The following UPRT variants were observed in gnomAD, a reference collection of about 807,000 sequenced individuals.
UPRT encodes the protein uracil phosphoribosyltransferase homolog.
Under a neutral mutation model 22.6 loss-of-function variants are expected in UPRT, and 5 were observed. That is an observed-to-expected ratio of 0.22 (90% CI 0.12 to 0.47). The LOEUF (loss-of-function observed/expected upper bound fraction) is 0.47, where lower values mean the gene tolerates loss of function less well. Ranked by LOEUF, UPRT falls within the 20% of genes least tolerant of loss-of-function variation. The pLI, the probability that UPRT is intolerant of heterozygous loss-of-function variation, is 0.99. For synonymous variants in UPRT, 77 were observed against 87.7 expected (o/e 0.88, Z 0.68); for missense variants, 181 against 239.9 (o/e 0.75, Z 1.62).
At chrX:75,162,825 A>G (rs1053509567) in intron 2 of UPRT, among the ~76,000 whole-genome samples, 1 of 111,916 alleles carries the variant, frequency 8.9e-6, no homozygotes, top group Admixed American at 9.5e-5. Context: ...ATTACAGAGA[A>G]GGAAGGAAAC....
chrX:75,195,748 C>G (rs142783695), intron 4 of UPRT, among the ~76,000 whole-genome samples: 1 of 111,705 alleles, frequency 9.0e-6, no homozygotes, highest in African/African-American at 3.3e-5. Flanking sequence ...CCCTTTCAGC[C>G]CAGGATCTGT....
intron 4 of UPRT, among the ~76,000 whole-genome samples, chrX:75,257,191 C>T (rs1170499753): frequency 8.9e-6 from 1 of 111,736 alleles, no homozygotes; most frequent in African/African-American, 3.3e-5. Context: ...GGTTTCACAC[C>T]AGGGACATAG....
chrX:75,206,343 C>T (rs1295143257), intron 4 of UPRT, among the ~76,000 whole-genome samples: 2 of 110,547 alleles, frequency 1.8e-5, no homozygotes, highest in African/African-American at 6.6e-5. Context: ...CAGGTGCCCT[C>T]GGGCCTGATG....
intron 4 of UPRT, among the ~76,000 whole-genome samples, chrX:75,215,789 A>T (rs1041733606): frequency 1.8e-5 from 2 of 111,509 alleles, no homozygotes; most frequent in Non-Finnish European, 3.8e-5. Flanking sequence ...TAACCATGTG[A>T]CAAATCTGCA....
intron 4 of UPRT, among the ~76,000 whole-genome samples, chrX:75,258,630 C>A (rs962726965): frequency 8.9e-6 from 1 of 111,982 alleles, no homozygotes; most frequent in Non-Finnish European, 1.9e-5. Context: ...CAGTCAGGGG[C>A]TTATAGATAA....
chrX:75,257,899 A>C (rs2082554294), intron 4 of UPRT, among the ~76,000 whole-genome samples: 1 of 111,289 alleles, frequency 9.0e-6, no homozygotes, highest in Admixed American at 9.5e-5. Flanking sequence ...GGTCCCTCTC[A>C]CTGGGACTGG....
chrX:75,184,300 T>A (rs1421482714), intron 4 of UPRT, among the ~76,000 whole-genome samples: 1 of 112,089 alleles, frequency 8.9e-6, no homozygotes, highest in African/African-American at 3.2e-5. Context: ...CCATTGCTTG[T>A]TTTCGTCAGG....
chrX:75,243,478 A>G (rs1294373291), intron 4 of UPRT, among the ~76,000 whole-genome samples: 15 of 111,643 alleles, frequency 1.3e-4, no homozygotes, highest in Non-Finnish European at 3.8e-5. Context: ...GAGGATTGGC[A>G]ATCCTCAAGT....
chrX:75,225,810 C>T (rs909505780), intron 4 of UPRT, among the ~76,000 whole-genome samples: 2 of 111,240 alleles, frequency 1.8e-5, no homozygotes, highest in Non-Finnish European at 3.8e-5. Context: ...CTTTTTATTC[C>T]ATCCAGTCTC....
At chrX:75,244,963 G>T (rs756350830) in intron 4 of UPRT, among the ~76,000 whole-genome samples, 1 of 110,920 alleles carries the variant, frequency 9.0e-6, no homozygotes, top group Non-Finnish European at 1.9e-5. Flanking sequence ...CACAGCAAAA[G>T]AAACTATCAA....
chrX:75,166,392 G>A (rs1396194307), intron 3 of UPRT, among the ~76,000 whole-genome samples: 1 of 111,628 alleles, frequency 9.0e-6, no homozygotes, highest in African/African-American at 3.3e-5. Flanking sequence ...ATAGTGTTGA[G>A]CATGTTGTCT....
At chrX:75,214,850 C>A (rs905362511) in intron 4 of UPRT, among the ~76,000 whole-genome samples, 1 of 111,035 alleles carries the variant, frequency 9.0e-6, no homozygotes, top group Non-Finnish European at 1.9e-5. Flanking sequence ...GAGTTCAAGG[C>A]TGCAGTGAGC....
At chrX:75,296,119 G>C (rs2082725031) in intron 2 of UPRT, among the ~76,000 whole-genome samples, 1 of 111,278 alleles carries the variant, frequency 9.0e-6, no homozygotes, top group East Asian at 2.8e-4. Context: ...GAGCCTTTTG[G>C]TGACAATCAT....
intron 1 of UPRT, among the ~76,000 whole-genome samples, chrX:75,280,787 G>A (rs930211847): frequency 9.0e-6 from 1 of 111,213 alleles, no homozygotes. Flanking sequence ...TTTTAGAATT[G>A]TTTTTTCTAA....
At chrX:75,245,820 T>TA (rs1252639037) in intron 4 of UPRT, among the ~76,000 whole-genome samples, 4 of 111,111 alleles carry the variant, frequency 3.6e-5, no homozygotes, top group Middle Eastern at 4.7e-3. Flanking sequence ...AGGGTGAGGA[T>TA]AAAAAAACTA....
In UPRT at chrX:75,297,553, G is replaced by A; in HGVS notation, c.562G>A (p.Gly188Ser). Reference sequence around the variant, plus strand: ...TTGTGGGGTCAGCATAATGAGAAGCGGTAGGTTCACGTGTGTGTGATTTTT... The same window carrying A: ...TTGTGGGGTCAGCATAATGAGAAGCAGTAGGTTCACGTGTGTGTGATTTTT... ...GNCGVSIMRSGEAMEQGLRDC... is the reference protein window; with the variant it reads ...GNCGVSIMRSSEAMEQGLRDC... The change falls in exon 4 of 7, where the codon GGT becomes AGT. Residue 188 changes from glycine to serine, a missense_variant and splice_region_variant. Physicochemically the swap from Gly to Ser is moderately conservative, Grantham distance 56. Transcript: ENST00000373383. 3.3e-6 allele frequency: 4 copies of A among 1,209,546 alleles called. No homozygotes were observed. The highest frequency in any genetic ancestry group is 4.5e-6 in the Non-Finnish European group (4 of 894,698).
chrX:75,165,985 T>G (rs1331674109), intron 3 of UPRT, among the ~76,000 whole-genome samples: 1 of 112,012 alleles, frequency 8.9e-6, no homozygotes, highest in Non-Finnish European at 1.9e-5. Context: ...TCTAGCTCAT[T>G]CAGATTATTA....
intron 4 of UPRT, among the ~76,000 whole-genome samples, chrX:75,192,087 C>T (rs751144567): frequency 8.9e-6 from 1 of 111,756 alleles, no homozygotes; most frequent in African/African-American, 3.2e-5. Flanking sequence ...TGTTCCTATT[C>T]GGCCATCTTG....
At position 75,212,297 on chromosome X, in the gene UPRT, C is replaced by G. The variant is rs766471153; in HGVS notation, c.-447+44418C>G. 8.0e-5 allele frequency among the ~76,000 whole-genome samples: 9 copies of G among 112,221 alleles called. 1 individual carries two copies. The highest frequency in any genetic ancestry group is 2.6e-4 in the African/African-American group (8 of 30,870). On this transcript the variant is annotated intron_variant, in intron 4 of 13. Coordinates refer to the UPRT transcript ENST00000652605. The stretch of plus-strand genomic sequence containing the variant: ...ACATAATTGGAAGTAAAACACTCCT[C>G]AGCTAATGCAAAGGAACTGAAATAA...
Sources: allele counts gnomAD v4.1 joint callset (sites outside exome capture counted in the v4.1 genomes callset), GRCh38; gene constraint gnomAD v4.1.1; transcripts MANE v1.5; gene names NCBI Gene and HGNC (gene_info 2026-07-23, HGNC 2026-07-21).